Variants in PRKAA2 observed in about 807,000 individuals in gnomAD.
The protein encoded by PRKAA2 is protein kinase AMP-activated catalytic subunit alpha 2, also known as 5'-AMP-activated protein kinase catalytic subunit alpha-2.
Under a neutral mutation model 56.3 loss-of-function variants are expected in PRKAA2, and 40 were observed. The ratio of observed to expected loss-of-function variants is 0.71; its 90% CI spans 0.55 to 0.92. PRKAA2 has a LOEUF of 0.92. PRKAA2 is among the 40% of genes least tolerant of loss of function. PRKAA2 has a pLI of 0.00. For synonymous variants in PRKAA2, 214 were observed against 234.2 expected, an observed-to-expected ratio of 0.91 and a Z score of 0.79; for missense variants, 542 against 686.9, an observed-to-expected ratio of 0.79 and a Z score of 2.36.
intron 6 of PRKAA2, among the ~76,000 whole-genome samples, chr1:56,703,040 C>G (rs1644307193): frequency 6.6e-6 from 1 of 152,096 alleles, no homozygotes; most frequent in African/African-American, 2.4e-5. Context: ...CCCAGTTCTA[C>G]CAGGTAATAA....
intron 1 of PRKAA2, among the ~76,000 whole-genome samples, chr1:56,663,565 C>T (rs1353244280): frequency 1.3e-5 from 2 of 152,146 alleles, no homozygotes; most frequent in Non-Finnish European, 2.9e-5. Context: ...TTAAAATTTC[C>T]ATTGAGAGCT....
intron 2 of PRKAA2, among the ~76,000 whole-genome samples, chr1:56,691,182 A>T (rs1372994720): frequency 6.6e-6 from 1 of 152,230 alleles, no homozygotes; most frequent in Middle Eastern, 3.2e-3. Context: ...GAAAGGGAGG[A>T]TCTAAAGGAA....
At chr1:56,665,832 A>T (rs1384071254) in intron 1 of PRKAA2, among the ~76,000 whole-genome samples, 4 of 152,012 alleles carry the variant, frequency 2.6e-5, no homozygotes, top group African/African-American at 9.7e-5. Flanking sequence ...GACTATCTAG[A>T]TCTCCTCTTT....
chr1:56,662,450 A>C (rs2796526), intron 1 of PRKAA2, among the ~76,000 whole-genome samples: 2 of 151,920 alleles, frequency 1.3e-5, no homozygotes, highest in African/African-American at 4.8e-5. Context: ...GAGATGATTT[A>C]AAAAAAAAAT....
chr1:56,651,466 G>T (rs1198753546), intron 1 of PRKAA2, among the ~76,000 whole-genome samples: 1 of 152,100 alleles, frequency 6.6e-6, no homozygotes, highest in Non-Finnish European at 1.5e-5. Flanking sequence ...CAAAGTTCCA[G>T]TGCTATTAAG....
chr1:56,697,297 T>C (rs1420373920), intron 6 of PRKAA2, among the ~76,000 whole-genome samples: 2 of 152,084 alleles, frequency 1.3e-5, no homozygotes, highest in Non-Finnish European at 2.9e-5. Flanking sequence ...GTGCTGGGAT[T>C]ACAAGTGTGA....
intron 5 of PRKAA2, among the ~76,000 whole-genome samples, chr1:56,694,888 ATTCTT>A (rs1263262939): frequency 6.6e-6 from 1 of 152,148 alleles, no homozygotes; most frequent in Non-Finnish European, 1.5e-5. Context: ...AACAGATTAT[ATTCTT>A]TTCATTAGAA....
intron 1 of PRKAA2, among the ~76,000 whole-genome samples, chr1:56,663,728 A>G (rs1644012645): frequency 6.6e-6 from 1 of 152,162 alleles, no homozygotes; most frequent in Non-Finnish European, 1.5e-5. Context: ...GTCCTTTTCA[A>G]TTAAGGCATG....
At chr1:56,672,548 A>G (rs759353441) in intron 1 of PRKAA2, among the ~76,000 whole-genome samples, 24 of 152,194 alleles carry the variant, frequency 1.6e-4, no homozygotes, top group Admixed American at 2.6e-4. Flanking sequence ...TGAATGACAT[A>G]ACATAAGGGT....
rs1644235204 is a variant in PRKAA2, at chr1:56,692,516, G to A, written c.475+14G>A. ...TAGCCGATTTCGGTATGTAACTCCAGGGTTGTTCAGAAAGGTACTAGCTAC... is the reference window on the plus strand; with the variant it reads ...TAGCCGATTTCGGTATGTAACTCCAAGGTTGTTCAGAAAGGTACTAGCTAC... On this transcript the variant is annotated intron_variant, in intron 4 of 8. Transcript: ENST00000371244. 1 of 1,611,766 alleles carries A rather than the reference G, an allele frequency of 6.2e-7. No homozygotes were observed. Among genetic ancestry groups the A allele is most frequent in the African/African-American group, 1.3e-5 (1 of 74,830 alleles).
intron 6 of PRKAA2, among the ~76,000 whole-genome samples, chr1:56,701,032 C>T (rs1262950069): frequency 6.6e-6 from 1 of 152,040 alleles, no homozygotes; most frequent in Admixed American, 6.6e-5. Flanking sequence ...TGGTTAATTT[C>T]CAGGGTTCTG....
At chr1:56,684,605 G>T (rs1644178584) in intron 2 of PRKAA2, among the ~76,000 whole-genome samples, 1 of 152,130 alleles carries the variant, frequency 6.6e-6, no homozygotes, top group African/African-American at 2.4e-5. Context: ...AGAAGAAAGT[G>T]TTTTAGGAAA....
intron 1 of PRKAA2, among the ~76,000 whole-genome samples, chr1:56,654,448 C>T (rs1331528544): frequency 1.3e-5 from 2 of 152,042 alleles, no homozygotes; most frequent in Non-Finnish European, 2.9e-5. Context: ...TTTAATTTGA[C>T]CTAGCAGGAA....
rs1337038702 is a variant in PRKAA2 at position 56,710,229 on chromosome 1, T to C, written c.*2516T>C. 1 of 152,102 alleles carries C rather than the reference T, an allele frequency of 6.6e-6. No individual in the cohort carries two copies. Among genetic ancestry groups the C allele is most frequent in the Non-Finnish European group, 1.5e-5 (1 of 67,988 alleles). 9.4% of individuals were successfully genotyped at this position (152,102 alleles called of 1,614,324 possible). On this transcript the variant is annotated 3_prime_UTR_variant, in exon 9 of 9. Transcript: ENST00000371244. ...ATGAGGTTATAGATAAGGCCTTAGT[T>C]ATATCATGGAAATGGACTCCATGTA...
intron 2 of PRKAA2, among the ~76,000 whole-genome samples, chr1:56,688,176 G>A (rs535961913): frequency 6.6e-6 from 1 of 152,128 alleles, no homozygotes; most frequent in Non-Finnish European, 1.5e-5. Context: ...TTTTTAAGAC[G>A]TCTTCCTTCT....
At chr1:56,684,473 C>G (rs759427182) in intron 2 of PRKAA2, among the ~76,000 whole-genome samples, 2 of 151,882 alleles carry the variant, frequency 1.3e-5, no homozygotes, top group Non-Finnish European at 2.9e-5. Context: ...AGTCCAAGGA[C>G]TGGGCTCTAG....
In PRKAA2 at chr1:56,713,257, T is replaced by C. The variant is rs1359289742; in HGVS notation, c.*5544T>C. 1 of 152,202 alleles carries C rather than the reference T, an allele frequency of 6.6e-6. No individual in the cohort carries two copies. The highest frequency in any genetic ancestry group is 1.5e-5 in the Non-Finnish European group (1 of 68,026). The allele number at this position is 152,202 out of a possible 1,614,324, so 9.4% of individuals were successfully genotyped here. On this transcript the variant is annotated 3_prime_UTR_variant, in exon 9 of 9. Coordinates refer to ENST00000371244, the MANE Select transcript of PRKAA2 (RefSeq NM_006252.4). ...AGTTTTAATTAAACTTCTTCATCCA[T>C]AGCCTGATAAGAATCAGGCTGGGTC...
At chr1:56,679,737 T>G (rs139978400) in intron 2 of PRKAA2, among the ~76,000 whole-genome samples, 1 of 152,102 alleles carries the variant, frequency 6.6e-6, no homozygotes, top group Non-Finnish European at 1.5e-5. Flanking sequence ...TGCAATTACA[T>G]TTGACCCTTG....
At position 56,711,708 on chromosome 1, in the gene PRKAA2, T is replaced by G. The variant is rs931078782; in HGVS notation, c.*3995T>G. On this transcript the variant is annotated 3_prime_UTR_variant, in exon 9 of 9. Coordinates refer to ENST00000371244, the MANE Select transcript of PRKAA2 (RefSeq NM_006252.4). The stretch of plus-strand genomic sequence containing the variant: ...TGGACGAGGGATATGTGCAATCTGT[T>G]GGTAAGTCACATCCTATGTTTGGCC... 1.3e-5 allele frequency: 2 copies of G among 152,150 alleles called. No homozygotes were observed. The highest frequency in any genetic ancestry group is 4.8e-5 in the African/African-American group (2 of 41,450). 9.4% of individuals were successfully genotyped at this position (152,150 alleles called of 1,614,324 possible).
Sources: gnomAD v4.1 joint callset for allele counts (sites outside exome capture counted in the v4.1 genomes callset) on GRCh38, gnomAD v4.1.1 for gene constraint, MANE v1.5 for transcripts, NCBI Gene and HGNC (gene_info 2026-07-23, HGNC 2026-07-21) for gene names.